GAK: variants seen among roughly 807,000 people sequenced by gnomAD.
GAK encodes the protein cyclin G associated kinase, also known as cyclin-G-associated kinase.
GAK carries 79 observed loss-of-function variants against 143.9 expected under a neutral mutation model. The ratio of observed to expected loss-of-function variants is 0.55; its 90% CI spans 0.46 to 0.66. The LOEUF (loss-of-function observed/expected upper bound fraction) is 0.66. GAK is among the 30% of genes least tolerant of loss of function. The pLI is 0.00. For synonymous variants in GAK, 881 were observed against 765.5 expected, an observed-to-expected ratio of 1.15 and a Z score of -2.49; for missense variants, 1,693 against 1,779.7, an observed-to-expected ratio of 0.95 and a Z score of 0.88.
At chr4:851,647 C>A in intron 25 of GAK, 103 bp downstream of exon 25, 1 of 1,263,084 alleles carries the variant, frequency 7.9e-7, no homozygotes, top group Non-Finnish European at 1.1e-6. Context: ...CGTGCCTGTC[C>A]CAGGACTGGG....
intron 5 of GAK, among the ~76,000 whole-genome samples, chr4:902,392 C>T (rs1024344935): frequency 2.6e-5 from 4 of 151,600 alleles, no homozygotes; most frequent in Non-Finnish European, 5.9e-5. Flanking sequence ...ATCACTCGAG[C>T]TCAGGAGTTC....
Position 921,559 on chromosome 4 carries a change from C to G in GAK, c.146-7891G>C, listed in dbSNP as rs200154699. ...AAGGTTTAAAACTTTCAGAAAAACA[C>G]AGGAGACAAATCTTCAAGATAAAGA... On this transcript the variant is annotated intron_variant, in intron 1 of 27. Transcript: ENST00000314167. Among the ~76,000 whole-genome samples, 12 of 152,256 alleles carry G rather than the reference C, an allele frequency of 7.9e-5. No individual in the cohort carries two copies. The East Asian group carries it at 1.9e-3, about 24-fold the overall frequency.
intron 10 of GAK, among the ~76,000 whole-genome samples, chr4:890,059 G>A (rs1026058957): frequency 6.6e-6 from 1 of 152,216 alleles, no homozygotes; most frequent in East Asian, 1.9e-4. Context: ...CCCACAGCAG[G>A]CCTGGCCCTT....
rs1046117493 is a variant in GAK at position 877,623 on chromosome 4, G to T, written c.1848C>A (p.Asp616Glu). 1.3e-6 allele frequency: 2 copies of T among 1,585,380 alleles called. No individual in the cohort carries two copies. Among genetic ancestry groups the T allele is most frequent in the Admixed American group, 3.5e-5 (2 of 57,406 alleles). ...GCTGCAGCTGCACTCACCGCATCTTGTCGTACTCCTGGGAGGTGCTGGCCA... is the reference window on the plus strand; with the variant it reads ...GCTGCAGCTGCACTCACCGCATCTTTTCGTACTCCTGGGAGGTGCTGGCCA... ...ERVASTSQEY[D>E]KMRDFKIEDG... The change falls in exon 16 of 28, where the codon GAC becomes GAA. Residue 616 changes from aspartate to glutamate, a missense_variant. Around this residue, in one of 2 missense-constraint regions of GAK, gnomAD observed 871 missense variants for 991.0 expected, o/e 0.88. Coordinates refer to ENST00000314167, the MANE Select transcript of GAK (RefSeq NM_005255.4).
chr4:912,867 A>C, intron 2 of GAK, 73 bp from the exon 3 acceptor site: 60 of 1,284,762 alleles, frequency 4.7e-5, no homozygotes, highest in Non-Finnish European at 6.1e-5. Flanking sequence ...GCATCATCTC[A>C]GACATAAGCA....
chr4:859,302 T>C (rs1749843347), intron 24 of GAK: 2 of 1,314,972 alleles, frequency 1.5e-6, no homozygotes, highest in Admixed American at 2.3e-5. Flanking sequence ...CCCACTTCCA[T>C]GCAGAGACCC....
chr4:908,088 T>C (rs1721405926), intron 4 of GAK, among the ~76,000 whole-genome samples: 1 of 152,198 alleles, frequency 6.6e-6, no homozygotes, highest in South Asian at 2.1e-4. Context: ...AAAGCCGGAA[T>C]GTCTAGAACC....
chr4:923,120 C>T (rs533426489), intron 1 of GAK, among the ~76,000 whole-genome samples: 3 of 152,176 alleles, frequency 2.0e-5, no homozygotes, highest in African/African-American at 7.2e-5. Context: ...GGGCTCCCTA[C>T]GGGGATGGAG....
chr4:885,647 G>A (rs1017004621), intron 11 of GAK: 4 of 152,222 alleles, frequency 2.6e-5, no homozygotes, highest in Non-Finnish European at 5.9e-5. Flanking sequence ...CAGGCCCCGA[G>A]GCCCTGGCTT....
intron 24 of GAK, chr4:859,366 A>G: frequency 2.1e-6 from 3 of 1,461,812 alleles, no homozygotes; most frequent in Non-Finnish European, 2.7e-6. Context: ...ACGCACCACA[A>G]TGCCGGTGGG....
Position 876,553 on chromosome 4 carries a change from G to C in GAK, c.2031C>G (p.Asn677Lys). Residue 677 changes from asparagine to lysine, a missense_variant, in exon 18 of 28, where the codon AAC becomes AAG. Physicochemically the swap from Asn to Lys is moderately conservative, Grantham distance 94. Around this residue, in one of 2 missense-constraint regions of GAK, gnomAD observed 871 missense variants for 991.0 expected, o/e 0.88. Coordinates refer to ENST00000314167, the MANE Select transcript of GAK (RefSeq NM_005255.4). Reference sequence around the variant, plus strand: ...ACTTGGCAAATTTCACAGTGGTGGCGTTCCGAGGCACAAACCCCGTGTGGA... The same window carrying C: ...ACTTGGCAAATTTCACAGTGGTGGCCTTCCGAGGCACAAACCCCGTGTGGA... ...IQFHTGFVPR[N>K]ATTVKFAKYD... 6.2e-7 allele frequency: 1 copy of C among 1,614,162 alleles called. No individual in the cohort carries two copies. The highest frequency in any genetic ancestry group is 1.3e-5 in the African/African-American group (1 of 75,050).
chr4:861,804 G>A (rs1253035904), intron 23 of GAK, among the ~76,000 whole-genome samples: 2 of 152,220 alleles, frequency 1.3e-5, no homozygotes, highest in African/African-American at 4.8e-5. Context: ...TACAGAGGAA[G>A]TTCGGGTGAT....
At chr4:874,489 G>T (rs1015132246) in intron 18 of GAK, among the ~76,000 whole-genome samples, 1 of 152,096 alleles carries the variant, frequency 6.6e-6, no homozygotes, top group Non-Finnish European at 1.5e-5. Flanking sequence ...ACTGGATATA[G>T]AATTCCCGTA....
At chr4:882,126 G>GCGTCCC in intron 14 of GAK, 86 bp from the exon 15 acceptor site, 3 of 1,415,628 alleles carry the variant, frequency 2.1e-6, no homozygotes, top group Non-Finnish European at 2.9e-6. Flanking sequence ...TACCCACCCT[G>GCGTCCC]TGGCTGCAGG....
chr4:879,466 T>G (rs551695624), intron 15 of GAK, among the ~76,000 whole-genome samples: 5 of 151,432 alleles, frequency 3.3e-5, no homozygotes, highest in Middle Eastern at 3.4e-3. Flanking sequence ...TTACTTCCTG[T>G]TGACTTCTTA....
chr4:889,637 T>C (rs1458448126), intron 10 of GAK, among the ~76,000 whole-genome samples: 2 of 152,120 alleles, frequency 1.3e-5, no homozygotes, highest in African/African-American at 4.8e-5. Flanking sequence ...GCCCCAGACA[T>C]GGAGCTGAGC....
At chr4:916,511 C>T (rs1336374803) in intron 1 of GAK, among the ~76,000 whole-genome samples, 2 of 152,168 alleles carry the variant, frequency 1.3e-5, no homozygotes, top group Non-Finnish European at 2.9e-5. Flanking sequence ...TGTGAGCCAC[C>T]ACGCCCAGAA....
At chr4:899,019 G>A (rs1719351234) in intron 5 of GAK, among the ~76,000 whole-genome samples, 1 of 152,244 alleles carries the variant, frequency 6.6e-6, no homozygotes, top group Non-Finnish European at 1.5e-5. Flanking sequence ...ACGGACGCCA[G>A]AGGCTGCACG....
At chr4:885,014 G>A (rs549715382) in intron 11 of GAK, among the ~76,000 whole-genome samples, 7 of 151,740 alleles carry the variant, frequency 4.6e-5, no homozygotes, top group South Asian at 2.1e-4. Flanking sequence ...CATAGGATGC[G>A]GGTCTTCCGT....
Sources: gnomAD v4.1 joint callset for allele counts (sites outside exome capture counted in the v4.1 genomes callset) on GRCh38, gnomAD v4.1.1 for gene constraint, gnomAD v4.1.1 regional missense constraint, MANE v1.5 for transcripts, NCBI Gene and HGNC (gene_info 2026-07-23, HGNC 2026-07-21) for gene names.